AMOTL1: variants seen among roughly 807,000 people sequenced by gnomAD.
AMOTL1 encodes angiomotin-like protein 1.
In AMOTL1, 45 loss-of-function variants were observed where a neutral mutation model predicts 102.9. That is an observed-to-expected ratio of 0.44 (90% CI 0.34 to 0.56). AMOTL1 has a LOEUF of 0.56. Among genes scored for constraint, AMOTL1 ranks in the 20% least tolerant of loss-of-function variants. The pLI is 0.01. For missense variants in AMOTL1, 1,114 were observed against 1,225.6 expected, an observed-to-expected ratio of 0.91 and a Z score of 1.36; for synonymous variants, 481 against 484.7, an observed-to-expected ratio of 0.99 and a Z score of 0.10.
chr11:94,752,740 A>G (rs1056249955), intron 3 of AMOTL1, among the ~76,000 whole-genome samples: 1 of 152,220 alleles, frequency 6.6e-6, no homozygotes, highest in African/African-American at 2.4e-5. Context: ...CTAACAGTCA[A>G]TAGCTTTTGG....
intron 3 of AMOTL1, among the ~76,000 whole-genome samples, chr11:94,749,010 G>A (rs1380856253): frequency 6.6e-6 from 1 of 152,194 alleles, no homozygotes; most frequent in African/African-American, 2.4e-5. Flanking sequence ...CAGAGAGACA[G>A]AACAAATAGG....
chr11:94,866,232 T>A, intron 11 of AMOTL1, 64 bp downstream of exon 11: 1 of 1,498,928 alleles, frequency 6.7e-7, no homozygotes, highest in Non-Finnish European at 9.2e-7. Flanking sequence ...TCTCTGCCAC[T>A]CATGGGACAC....
chr11:94,763,265 C>T (rs1020031058), intron 3 of AMOTL1, among the ~76,000 whole-genome samples: 2 of 152,050 alleles, frequency 1.3e-5, no homozygotes, highest in African/African-American at 2.4e-5. Flanking sequence ...AGGCTCATCC[C>T]CTTGCCCTTT....
rs1332209850 is a variant in AMOTL1 at position 94,871,411 on chromosome 11, A to G, written c.*616A>G. On this transcript the variant is annotated 3_prime_UTR_variant, in exon 13 of 13. Coordinates refer to ENST00000433060, the MANE Select transcript of AMOTL1 (RefSeq NM_130847.3). ...TCTTAGCTTTTCTGAATTCTGCAGTATTTTCTAAACAGGATAGATTATGAT... is the reference window on the plus strand; with the variant it reads ...TCTTAGCTTTTCTGAATTCTGCAGTGTTTTCTAAACAGGATAGATTATGAT... 6.6e-6 allele frequency: 1 copy of G among 152,072 alleles called. No individual in the cohort carries two copies. The highest frequency in any genetic ancestry group is 2.4e-5 in the African/African-American group (1 of 41,408). The allele number at this position is 152,072 out of a possible 1,614,324, so 9.4% of individuals were successfully genotyped here. A position where few individuals can be genotyped will look rare whatever the true frequency, so the allele number is the denominator to read the frequency against.
intron 3 of AMOTL1, among the ~76,000 whole-genome samples, chr11:94,800,821 C>T (rs1951463972): frequency 6.6e-6 from 1 of 152,204 alleles, no homozygotes; most frequent in Non-Finnish European, 1.5e-5. Context: ...ATAGACACAA[C>T]TCTGAGGCAG....
At chr11:94,742,668 G>A (rs911417646) in intron 3 of AMOTL1, among the ~76,000 whole-genome samples, 2 of 152,230 alleles carry the variant, frequency 1.3e-5, no homozygotes, top group African/African-American at 4.8e-5. Flanking sequence ...CTCATGAGGA[G>A]ATTAGAGTGT....
intron 6 of AMOTL1, among the ~76,000 whole-genome samples, chr11:94,845,492 C>A (rs1444627835): frequency 6.6e-6 from 1 of 152,156 alleles, no homozygotes; most frequent in Non-Finnish European, 1.5e-5. Context: ...CATGGTAAGT[C>A]CCCAGGAATA....
intron 1 of AMOTL1, among the ~76,000 whole-genome samples, chr11:94,714,498 C>A (rs10765699): frequency 0.47 from 70,859 of 151,864 alleles, 18,521 homozygotes; most frequent in Non-Finnish European, 0.58. Context: ...CCAGTGAAAT[C>A]ATCTGGACCT....
chr11:94,873,612 G>A lies in AMOTL1; in HGVS notation c.*2817G>A, dbSNP rs1036315217. The A allele has an allele frequency of 3.3e-5, 5 of 152,188 alleles. No individual in the cohort carries two copies. The highest frequency in any genetic ancestry group is 4.8e-5 in the African/African-American group (2 of 41,430). The allele number at this position is 152,188 out of a possible 1,614,324, so 9.4% of individuals were successfully genotyped here. ...CTGATGAGGAAATGGGCTCAGAAAG[G>A]TTAAGTCCCTTCCTGAAATCTCACA... On this transcript the variant is annotated 3_prime_UTR_variant, in exon 13 of 13. Transcript: ENST00000433060.
chr11:94,857,896 G>A (rs1431842846), intron 8 of AMOTL1, among the ~76,000 whole-genome samples: 1 of 152,112 alleles, frequency 6.6e-6, no homozygotes, highest in African/African-American at 2.4e-5. Flanking sequence ...TGGCACACCT[G>A]ACCATCAATC....
chr11:94,821,747 A>G lies in AMOTL1; in HGVS notation c.1339A>G (p.Ile447Val). 6.2e-7 allele frequency: 1 copy of G among 1,613,954 alleles called. No homozygotes were observed. The highest frequency in any genetic ancestry group is 8.5e-7 in the Non-Finnish European group (1 of 1,179,894). Residue 447 changes from isoleucine (I) to valine (V), a missense_variant, in exon 4 of 13, where the codon ATA becomes GTA. Physicochemically the swap from Ile to Val is conservative, Grantham distance 29 (BLOSUM62 3). Transcript: ENST00000433060. ...GGAGCGAGCCCAGCAAATGGTGGAG[A>G]TATTAACAGAGGAGAACCGGGTGCT... The part of the protein sequence containing the change: ...IVERAQQMVE[I>V]LTEENRVLHQ...
chr11:94,821,434 C>A, intron 3 of AMOTL1, 96 bp from the exon 4 acceptor site: 1 of 1,316,160 alleles, frequency 7.6e-7, no homozygotes, highest in South Asian at 1.4e-5. Context: ...TGGCCTCTGA[C>A]CATGGAAGCC....
intron 3 of AMOTL1, among the ~76,000 whole-genome samples, chr11:94,803,325 T>TAAA (rs149967588): frequency 0.026 from 3,903 of 152,288 alleles, 76 homozygotes; most frequent in Non-Finnish European, 0.038. Flanking sequence ...TAAGGCCCTT[T>TAAA]AGGCCCCTTT....
chr11:94,800,292 C>A lies in AMOTL1; in HGVS notation c.1102C>A (p.Pro368Thr). Residue 368 changes from proline to threonine, a missense_variant, in exon 3 of 13, where the codon CCT becomes ACT. By Grantham distance (38) the Pro-to-Thr change is conservative. Coordinates refer to ENST00000433060, the MANE Select transcript of AMOTL1 (RefSeq NM_130847.3). ...DVAVLRYQPP[P>T]EYGVTSRPCQ... ...GGCCGTCCTGCGGTACCAGCCACCC[C>A]CTGAGTATGGGGTAACGAGGTGATT... 5.6e-6 allele frequency: 9 copies of A among 1,608,766 alleles called. No individual in the cohort carries two copies. Among genetic ancestry groups the A allele is most frequent in the East Asian group, 2.2e-5 (1 of 44,814 alleles).
At chr11:94,822,178 T>G (rs1951879625) in intron 4 of AMOTL1, among the ~76,000 whole-genome samples, 1 of 152,122 alleles carries the variant, frequency 6.6e-6, no homozygotes, top group African/African-American at 2.4e-5. Flanking sequence ...CCATGCGCGG[T>G]GGTCCATGCC....
chr11:94,745,155 C>T (rs1283549497), intron 3 of AMOTL1, among the ~76,000 whole-genome samples: 1 of 151,900 alleles, frequency 6.6e-6, no homozygotes, highest in East Asian at 1.9e-4. Flanking sequence ...GTTTGCTGCA[C>T]CCATTAACTC....
chr11:94,841,850 AT>A (rs1483041661), intron 6 of AMOTL1, among the ~76,000 whole-genome samples: 1 of 152,230 alleles, frequency 6.6e-6, no homozygotes, highest in Non-Finnish European at 1.5e-5. Flanking sequence ...GTAAAGTGCA[AT>A]GTGAGGAATA....
intron 2 of AMOTL1, among the ~76,000 whole-genome samples, chr11:94,797,632 A>C (rs886691859): frequency 6.6e-6 from 1 of 152,204 alleles, no homozygotes; most frequent in Non-Finnish European, 1.5e-5. Context: ...TTTTACTCGG[A>C]AGGTAGTTTT....
rs1362023087 is a variant in AMOTL1 at position 94,799,381 on chromosome 11, A to T, written c.200-9A>T. 5.2e-6 allele frequency: 8 copies of T among 1,545,232 alleles called. No homozygotes were observed. In the Admixed American group the frequency reaches 1.2e-4, roughly 23 times the overall value. On this transcript the variant is annotated splice_polypyrimidine_tract_variant and intron_variant, in intron 2 of 12. Coordinates refer to ENST00000433060, the MANE Select transcript of AMOTL1 (RefSeq NM_130847.3). The surrounding 1 kb of genome is among the most constrained non-coding windows in gnomAD (Gnocchi z 4.5). Reference sequence around the variant, plus strand: ...GCCTGATATCTTTTTTCCTATGTTTATCTTTTAGTTGAAGATCCTCTTTGT... The same window carrying T: ...GCCTGATATCTTTTTTCCTATGTTTTTCTTTTAGTTGAAGATCCTCTTTGT...
Sources: allele counts gnomAD v4.1 joint callset (sites outside exome capture counted in the v4.1 genomes callset), GRCh38; gene constraint gnomAD v4.1.1; non-coding constraint Gnocchi (gnomAD v3.1); transcripts MANE v1.5; gene names NCBI Gene and HGNC (gene_info 2026-07-23, HGNC 2026-07-21).